PBX3: variants seen among roughly 807,000 people sequenced by gnomAD.
PBX3 encodes the protein pre-B-cell leukemia transcription factor 3.
Under a neutral mutation model 48.5 loss-of-function variants are expected in PBX3, and 14 were observed. The observed-to-expected ratio is 0.29, with a 90% CI of 0.19 to 0.45. The LOEUF (loss-of-function observed/expected upper bound fraction) is 0.45, where lower values mean the gene tolerates loss of function less well. Among genes scored for constraint, PBX3 ranks in the 20% least tolerant of loss-of-function variants. PBX3 has a pLI of 1.00. For missense variants in PBX3, 386 were observed against 546.7 expected (o/e 0.71, Z 2.93); for synonymous variants, 210 against 200.3 (o/e 1.05, Z -0.41).
intron 3 of PBX3, among the ~76,000 whole-genome samples, chr9:125,917,609 T>C (rs1841362968): frequency 1.3e-5 from 2 of 152,178 alleles, no homozygotes; most frequent in Admixed American, 6.5e-5. Context: ...TTTTCCCCTC[T>C]ACATTCCCTG....
chr9:125,869,206 G>A (rs1369230077), intron 2 of PBX3, among the ~76,000 whole-genome samples: 1 of 151,970 alleles, frequency 6.6e-6, no homozygotes, highest in Non-Finnish European at 1.5e-5. Flanking sequence ...AGCGGACAAT[G>A]GATATGAAGA....
intron 3 of PBX3, among the ~76,000 whole-genome samples, chr9:125,917,135 C>G (rs1277412524): frequency 6.6e-6 from 1 of 152,138 alleles, no homozygotes; most frequent in Non-Finnish European, 1.5e-5. Flanking sequence ...ACTATGTAGG[C>G]AAGTACTTTT....
intron 3 of PBX3, among the ~76,000 whole-genome samples, chr9:125,928,048 C>T (rs956001707): frequency 2.6e-5 from 4 of 151,454 alleles, no homozygotes; most frequent in South Asian, 2.1e-4. Context: ...CCGGGCGTGG[C>T]GGTGTGTACC....
intron 2 of PBX3, among the ~76,000 whole-genome samples, chr9:125,894,529 G>A (rs565835498): frequency 2.6e-5 from 4 of 152,128 alleles, no homozygotes; most frequent in Admixed American, 2.6e-4. Context: ...CTGAAACCTA[G>A]TGTGCTTGTA....
chr9:125,962,858 G>C (rs1310860877), intron 7 of PBX3, among the ~76,000 whole-genome samples, 154 bp from the exon 8 acceptor site: 2 of 152,224 alleles, frequency 1.3e-5, no homozygotes, highest in Non-Finnish European at 2.9e-5. Context: ...GCAAAGAATG[G>C]TTGAAATTCT....
intron 3 of PBX3, among the ~76,000 whole-genome samples, chr9:125,919,299 C>T (rs1000498475): frequency 7.9e-5 from 12 of 151,658 alleles, no homozygotes; most frequent in African/African-American, 2.4e-4. Flanking sequence ...CTGCGACCTC[C>T]GCTTCCCAGG....
At chr9:125,780,259 C>T (rs1837224288) in intron 2 of PBX3, among the ~76,000 whole-genome samples, 1 of 134,434 alleles carries the variant, frequency 7.4e-6, no homozygotes, top group Admixed American at 7.4e-5. Flanking sequence ...CCACCTCCCT[C>T]CCGGATGGGG....
intron 3 of PBX3, among the ~76,000 whole-genome samples, chr9:125,919,168 G>T (rs931300951): frequency 6.6e-6 from 1 of 151,568 alleles, no homozygotes; most frequent in African/African-American, 2.4e-5. Flanking sequence ...TTCCCATGTT[G>T]GATTGCATTT....
intron 2 of PBX3, among the ~76,000 whole-genome samples, chr9:125,803,807 T>G (rs1443683743): frequency 6.6e-6 from 1 of 152,218 alleles, no homozygotes; most frequent in African/African-American, 2.4e-5. Flanking sequence ...ACCTCTAATT[T>G]TTAATATAAC....
chr9:125,757,090 A>G lies in PBX3; in HGVS notation c.274+8467A>G, dbSNP rs117933414. Reference sequence around the variant, plus strand: ...ATTTATAGAGGAATTATTGGGAAGGACTTATGAAATTCTTGAATGGCATTT... The same window carrying G: ...ATTTATAGAGGAATTATTGGGAAGGGCTTATGAAATTCTTGAATGGCATTT... On this transcript the variant is annotated intron_variant, in intron 2 of 8. Coordinates refer to ENST00000373489, the MANE Select transcript of PBX3 (RefSeq NM_006195.6). 2.8e-3 allele frequency among the ~76,000 whole-genome samples: 424 copies of G among 152,310 alleles called. 7 individuals carry two copies. The East Asian group carries it at 0.061, about 22-fold the overall frequency.
Position 125,756,244 on chromosome 9 carries a change from A to G in PBX3, c.274+7621A>G, listed in dbSNP as rs558949529. On this transcript the variant is annotated intron_variant, in intron 2 of 8. Coordinates refer to ENST00000373489, the MANE Select transcript of PBX3 (RefSeq NM_006195.6). ...GATTACTGATGACATTTTGTGTGGA[A>G]GATGGAATTTCATACTGGATTCAGA... Among the ~76,000 whole-genome samples, 3 of 152,278 alleles carry G rather than the reference A, an allele frequency of 2.0e-5. No homozygotes were observed. In the South Asian group the frequency reaches 6.2e-4, roughly 32 times the overall value.
chr9:125,809,985 A>T (rs1391914461), intron 2 of PBX3, among the ~76,000 whole-genome samples: 1 of 152,218 alleles, frequency 6.6e-6, no homozygotes, highest in Admixed American at 6.5e-5. Flanking sequence ...GATTGTTCCA[A>T]CATGATTGGT....
At chr9:125,879,325 C>T (rs188091305) in intron 2 of PBX3, among the ~76,000 whole-genome samples, 42 of 152,192 alleles carry the variant, frequency 2.8e-4, no homozygotes, top group African/African-American at 9.6e-4. Flanking sequence ...TCGTGATCAG[C>T]GCACCTCGGC....
intron 5 of PBX3, among the ~76,000 whole-genome samples, chr9:125,950,135 G>A (rs541780707): frequency 1.4e-4 from 22 of 152,146 alleles, no homozygotes; most frequent in Non-Finnish European, 3.1e-4. Context: ...CCCTCAGCAC[G>A]TGTTTTAGGG....
At chr9:125,885,616 T>C (rs1048957970) in intron 2 of PBX3, among the ~76,000 whole-genome samples, 8 of 152,272 alleles carry the variant, frequency 5.3e-5, no homozygotes, top group Non-Finnish European at 1.2e-4. Flanking sequence ...GCAACCATAT[T>C]GCTTCCTATT....
At chr9:125,819,953 G>C (rs10819078) in intron 2 of PBX3, among the ~76,000 whole-genome samples, 1 of 151,896 alleles carries the variant, frequency 6.6e-6, no homozygotes, top group Non-Finnish European at 1.5e-5. Flanking sequence ...ATTCTTGGAG[G>C]ATTAATATGG....
chr9:125,854,750 T>A (rs1039334995), intron 2 of PBX3, among the ~76,000 whole-genome samples: 1 of 152,226 alleles, frequency 6.6e-6, no homozygotes, highest in African/African-American at 2.4e-5. Context: ...TTGCAATCAT[T>A]GTCATTTAGG....
intron 2 of PBX3, among the ~76,000 whole-genome samples, chr9:125,861,126 C>T (rs1234835029): frequency 6.6e-6 from 1 of 151,630 alleles, no homozygotes; most frequent in East Asian, 1.9e-4. Flanking sequence ...TCTCTACTCC[C>T]CTCCCTCCCA....
At chr9:125,785,107 C>T (rs1203739785) in intron 2 of PBX3, among the ~76,000 whole-genome samples, 3 of 149,982 alleles carry the variant, frequency 2.0e-5, no homozygotes, top group East Asian at 1.9e-4. Context: ...AGAATATCCC[C>T]TGTTTTTCTG....
Sources: gnomAD v4.1 joint callset for allele counts (sites outside exome capture counted in the v4.1 genomes callset) on GRCh38, gnomAD v4.1.1 for gene constraint, MANE v1.5 for transcripts, NCBI Gene and HGNC (gene_info 2026-07-23, HGNC 2026-07-21) for gene names.